KAT6B: variants seen among roughly 807,000 people sequenced by gnomAD.
KAT6B encodes histone acetyltransferase KAT6B.
A neutral mutation model predicts 187.5 loss-of-function variants in KAT6B; 10 were observed. The ratio of observed to expected loss-of-function variants is 0.05; its 90% CI spans 0.03 to 0.09. The LOEUF (loss-of-function observed/expected upper bound fraction) is 0.09, where lower values mean the gene tolerates loss of function less well. Among genes scored for constraint, KAT6B ranks in the 10% least tolerant of loss-of-function variants. The pLI is 1.00. For missense variants in KAT6B, 1,952 were observed against 2,558.9 expected, an observed-to-expected ratio of 0.76 and a Z score of 5.12; for synonymous variants, 861 against 926.8, an observed-to-expected ratio of 0.93 and a Z score of 1.29.
intron 13 of KAT6B, among the ~76,000 whole-genome samples, chr10:74,995,033 G>A (rs1434178393): frequency 6.6e-6 from 1 of 152,142 alleles, no homozygotes; most frequent in Non-Finnish European, 1.5e-5. Flanking sequence ...CCATACGGTT[G>A]TATTCTGTCT....
At chr10:74,970,346 A>G (rs376623674) in intron 6 of KAT6B, among the ~76,000 whole-genome samples, 3 of 152,040 alleles carry the variant, frequency 2.0e-5, no homozygotes. Context: ...AGACCCAGGG[A>G]TGAAAAGACC....
chr10:74,907,379 G>C (rs904398491), intron 3 of KAT6B, among the ~76,000 whole-genome samples: 5 of 152,198 alleles, frequency 3.3e-5, no homozygotes. Flanking sequence ...TGATTTGGCT[G>C]TCCTGTTTGT....
At chr10:74,951,111 C>CTT (rs747344802) in intron 3 of KAT6B, among the ~76,000 whole-genome samples, 1 of 143,976 alleles carries the variant, frequency 6.9e-6, no homozygotes, top group Non-Finnish European at 1.5e-5. Flanking sequence ...CCTTCTTTTT[C>CTT]TTTTTTTTTT....
intron 3 of KAT6B, among the ~76,000 whole-genome samples, chr10:74,864,274 C>G (rs1843396054): frequency 6.6e-6 from 1 of 152,094 alleles, no homozygotes; most frequent in South Asian, 2.1e-4. Flanking sequence ...TGGAGTCTCA[C>G]TGTCGCCTAG....
intron 3 of KAT6B, among the ~76,000 whole-genome samples, chr10:74,872,588 G>A (rs1589520034): frequency 6.6e-6 from 1 of 152,116 alleles, no homozygotes; most frequent in South Asian, 2.1e-4. Flanking sequence ...ATGTTACCCA[G>A]GCTGATTTTG....
intron 16 of KAT6B, 42 bp downstream of exon 16, chr10:75,022,273 A>G (rs773167268): frequency 8.7e-6 from 14 of 1,607,258 alleles, no homozygotes; most frequent in Non-Finnish European, 1.2e-5. Flanking sequence ...CGTTCAATCA[A>G]ATCTTATTTG....
Position 75,030,231 on chromosome 10 carries a change from T to A in KAT6B, c.5407T>A (p.Phe1803Ile). 1 of 1,614,178 alleles carries A rather than the reference T, an allele frequency of 6.2e-7. No homozygotes were observed. Residue 1803 changes from phenylalanine to isoleucine, a missense_variant, in exon 18 of 18, where the codon TTT (phenylalanine) becomes ATT (isoleucine). Coordinates refer to ENST00000287239, the MANE Select transcript of KAT6B (RefSeq NM_012330.4). The surrounding 1 kb of genome is among the most constrained non-coding windows in gnomAD (Gnocchi z 4.8). Reference protein sequence around the residue: ...GLYERMGQSDFGAGHYPQPSA... With the variant: ...GLYERMGQSDIGAGHYPQPSA... ...ATACGAGCGAATGGGTCAGAGTGAT[T>A]TTGGGGCTGGGCATTACCCGCAGCC...
chr10:74,878,110 G>T (rs1589531301), intron 3 of KAT6B, among the ~76,000 whole-genome samples: 1 of 152,210 alleles, frequency 6.6e-6, no homozygotes, highest in Admixed American at 6.5e-5. Context: ...ATGAGGAGCT[G>T]TGATGGTTTG....
chr10:75,016,383 C>G (rs1276663866), intron 13 of KAT6B, among the ~76,000 whole-genome samples: 1 of 152,216 alleles, frequency 6.6e-6, no homozygotes, highest in Admixed American at 6.5e-5. Flanking sequence ...CTTCCTTTCC[C>G]TTTAAGCAGA....
At chr10:74,834,972 G>A (rs910396757) in intron 1 of KAT6B, among the ~76,000 whole-genome samples, 2 of 152,154 alleles carry the variant, frequency 1.3e-5, no homozygotes, top group African/African-American at 4.8e-5. Flanking sequence ...TAGCAAATAG[G>A]CATTGAAACC....
intron 3 of KAT6B, among the ~76,000 whole-genome samples, chr10:74,860,659 A>T (rs1843113675): frequency 6.6e-6 from 1 of 152,230 alleles, no homozygotes; most frequent in South Asian, 2.1e-4. Context: ...ACACTGTATT[A>T]GGCACATAAT....
intron 3 of KAT6B, among the ~76,000 whole-genome samples, chr10:74,892,781 A>G (rs925567303): frequency 2.6e-5 from 4 of 152,046 alleles, no homozygotes; most frequent in African/African-American, 9.7e-5. Flanking sequence ...CTGCTGTGGG[A>G]TTAGAATGGA....
intron 1 of KAT6B, among the ~76,000 whole-genome samples, chr10:74,830,746 A>ATATATATATATATATATATG (rs1554912216): frequency 7.1e-4 from 12 of 16,872 alleles, no homozygotes; most frequent in South Asian, 5.6e-3. Context: ...ATATATATAT[A>ATATATATATATATATATATG]TATATATATA....
rs202153622 is a variant in KAT6B, at chr10:74,916,177, T to A, written c.622-43793T>A. 7.2e-5 allele frequency among the ~76,000 whole-genome samples: 11 copies of A among 152,168 alleles called. No homozygotes were observed. In the East Asian group the frequency reaches 1.9e-3, roughly 27 times the overall value. ...ACTCTATCTTGAAGAAAATAAAAAA[T>A]AAATAAATAAAATCTATAATTTTTA... On this transcript the variant is annotated intron_variant, in intron 3 of 17. Coordinates refer to ENST00000287239, the MANE Select transcript of KAT6B (RefSeq NM_012330.4).
At chr10:75,011,846 G>A (rs1344937625) in intron 13 of KAT6B, among the ~76,000 whole-genome samples, 1 of 152,112 alleles carries the variant, frequency 6.6e-6, no homozygotes, top group African/African-American at 2.4e-5. Context: ...AGTTGTTTAC[G>A]GAGTGGCCAT....
intron 3 of KAT6B, among the ~76,000 whole-genome samples, chr10:74,844,146 T>TTA (rs1841940514): frequency 6.6e-6 from 1 of 152,186 alleles, no homozygotes; most frequent in Non-Finnish European, 1.5e-5. Context: ...AGCGCTGGGA[T>TTA]TAGAGGCGTG....
chr10:74,830,764 ATATATTTTTTTTTTTTTTTTTTTTT>A (rs1270032464), intron 1 of KAT6B, among the ~76,000 whole-genome samples: 1 of 26,946 alleles, frequency 3.7e-5, no homozygotes, highest in East Asian at 1.2e-3. Flanking sequence ...ATATATATAT[ATATATTTTTTTTTTTTTTTTTTTTT>A]TTTTTTTTTT....
At chr10:74,969,796 C>G in intron 5 of KAT6B, 21 bp downstream of exon 5, 1 of 1,514,338 alleles carries the variant, frequency 6.6e-7, no homozygotes, top group Non-Finnish European at 9.2e-7. Flanking sequence ...CTCCCGTAAT[C>G]CGCCTCCAGG....
Position 75,028,805 on chromosome 10 carries a change from A to G in KAT6B, c.3981A>G (p.Glu1327=). ...ALLPQEENRR[E]ETCAPVSPNT... ...TGCCTCAAGAGGAAAACAGAAGGGA[A>G]GAAACATGTGCCCCTGTAAGTCCAA... The change falls in exon 18 of 18, where the codon GAA becomes GAG. Residue 1327 remains glutamate (E), a synonymous_variant. Coordinates refer to ENST00000287239, the MANE Select transcript of KAT6B (RefSeq NM_012330.4). 6.2e-7 allele frequency: 1 copy of G among 1,614,180 alleles called. No homozygotes were observed. Among genetic ancestry groups the G allele is most frequent in the Non-Finnish European group, 8.5e-7 (1 of 1,180,032 alleles).
Sources: gnomAD v4.1 joint callset for allele counts (sites outside exome capture counted in the v4.1 genomes callset) on GRCh38, gnomAD v4.1.1 for gene constraint, Gnocchi (gnomAD v3.1) non-coding constraint, MANE v1.5 for transcripts, NCBI Gene and HGNC (gene_info 2026-07-23, HGNC 2026-07-21) for gene names.